Variants in TNFRSF11B observed in about 807,000 individuals in gnomAD.
TNFRSF11B encodes TNF receptor superfamily member 11b.
Under a neutral mutation model 43.4 loss-of-function variants are expected in TNFRSF11B, and 16 were observed. That is an observed-to-expected ratio of 0.37 (90% CI 0.25 to 0.56). TNFRSF11B has a LOEUF of 0.56. Among genes scored for constraint, TNFRSF11B ranks in the 20% least tolerant of loss-of-function variants. TNFRSF11B has a pLI of 0.80. For synonymous variants in TNFRSF11B, 185 were observed against 181.8 expected (o/e 1.02, Z -0.14); for missense variants, 444 against 490.1 (o/e 0.91, Z 0.89).
intron 1 of TNFRSF11B, among the ~76,000 whole-genome samples, chr8:118,934,528 T>C (rs1163248926): frequency 6.6e-6 from 1 of 152,190 alleles, no homozygotes; most frequent in Non-Finnish European, 1.5e-5. Flanking sequence ...AAAGAGGATT[T>C]CATGGGCAAG....
chr8:118,949,844 A>C (rs1019822340), intron 1 of TNFRSF11B, among the ~76,000 whole-genome samples: 1 of 152,222 alleles, frequency 6.6e-6, no homozygotes, highest in South Asian at 2.1e-4. Context: ...TAGTTCCTAC[A>C]GTGGCACCTT....
At chr8:118,927,569 T>TTA (rs1554617277) in intron 3 of TNFRSF11B, among the ~76,000 whole-genome samples, 1 of 150,916 alleles carries the variant, frequency 6.6e-6, no homozygotes, top group African/African-American at 2.4e-5. Context: ...TTTTTTTTTT[T>TTA]AGATAAGAAA....
rs977797503 is a variant in TNFRSF11B, at chr8:118,926,680, C to T, written c.631G>A (p.Val211Ile). ...CAGTTAGGCGTAAACTTTGTAGGAA[C>T]AGCAAACCTGAAGAATGCCTCCTCA... Reference protein sequence around the residue: ...LCEEAFFRFAVPTKFTPNWLS... With the variant: ...LCEEAFFRFAIPTKFTPNWLS... The change falls in exon 4 of 5, where the codon GTT becomes ATT. Residue 211 changes from valine to isoleucine, a missense_variant. Val to Ile is a conservative substitution (Grantham distance 29). Transcript: ENST00000297350. 1.2e-6 allele frequency: 2 copies of T among 1,614,044 alleles called. No individual in the cohort carries two copies. Among genetic ancestry groups the T allele is most frequent in the African/African-American group, 2.7e-5 (2 of 75,032 alleles).
At chr8:118,932,814 A>G (rs1188590369) in intron 2 of TNFRSF11B, 117 bp downstream of exon 2, 1 of 1,385,330 alleles carries the variant, frequency 7.2e-7, no homozygotes, top group African/African-American at 1.4e-5. Context: ...GGCAGGTTTC[A>G]TTACCTTTGC....
chr8:118,930,642 C>A, intron 2 of TNFRSF11B: 1 of 379,302 alleles, frequency 2.6e-6, no homozygotes, highest in South Asian at 1.9e-5. Flanking sequence ...GAACTCCTGA[C>A]CTCAGGTGAT....
At chr8:118,943,823 A>G (rs1250169991) in intron 1 of TNFRSF11B, among the ~76,000 whole-genome samples, 1 of 152,156 alleles carries the variant, frequency 6.6e-6, no homozygotes, top group East Asian at 1.9e-4. Flanking sequence ...AATGAAAAGC[A>G]TGATCCCTGT....
intron 1 of TNFRSF11B, among the ~76,000 whole-genome samples, chr8:118,936,009 T>C (rs931574316): frequency 6.6e-6 from 1 of 152,186 alleles, no homozygotes; most frequent in Non-Finnish European, 1.5e-5. Flanking sequence ...ACTCCACAGA[T>C]GGTGCCTGTG....
At chr8:118,944,711 T>C (rs1462942381) in intron 1 of TNFRSF11B, among the ~76,000 whole-genome samples, 1 of 152,030 alleles carries the variant, frequency 6.6e-6, no homozygotes, top group Non-Finnish European at 1.5e-5. Context: ...ATTATTCAAG[T>C]GTAGTTGTTA....
At chr8:118,925,003 G>T (rs771242009) in intron 4 of TNFRSF11B, among the ~76,000 whole-genome samples, 17 of 152,118 alleles carry the variant, frequency 1.1e-4, no homozygotes, top group Non-Finnish European at 2.5e-4. Flanking sequence ...TTTGGAAGAA[G>T]CTCCTAATTT....
intron 2 of TNFRSF11B, 139 bp from the exon 3 acceptor site, chr8:118,929,068 T>C (rs11573922): frequency 2.2e-5 from 17 of 777,814 alleles, no homozygotes; most frequent in Non-Finnish European, 2.1e-6. Flanking sequence ...AGCATTTTCA[T>C]TTTTCACTTC....
chr8:118,930,516 AT>A, intron 2 of TNFRSF11B: 1 of 199,848 alleles, frequency 5.0e-6, no homozygotes, highest in Non-Finnish European at 1.1e-5. Context: ...GGTTCAAGAG[AT>A]TCTCCTGTCT....
At chr8:118,947,591 T>A (rs1165799328) in intron 1 of TNFRSF11B, among the ~76,000 whole-genome samples, 1 of 152,134 alleles carries the variant, frequency 6.6e-6, no homozygotes. Context: ...ACCACTGATA[T>A]AAGAAATCTA....
intron 1 of TNFRSF11B, among the ~76,000 whole-genome samples, chr8:118,945,654 G>C (rs1480517761): frequency 1.3e-5 from 2 of 152,096 alleles, no homozygotes; most frequent in Non-Finnish European, 2.9e-5. Flanking sequence ...TGATGGTCAG[G>C]AGAATTTTTT....
At chr8:118,950,866 G>T (rs1004348327) in intron 1 of TNFRSF11B, among the ~76,000 whole-genome samples, 1 of 152,128 alleles carries the variant, frequency 6.6e-6, no homozygotes, top group Non-Finnish European at 1.5e-5. Flanking sequence ...GGAGGTTGAA[G>T]TTCAAACATT....
At chr8:118,926,891 G>T (rs1222103612) in intron 3 of TNFRSF11B, among the ~76,000 whole-genome samples, 173 bp from the exon 4 acceptor site, 3 of 152,222 alleles carry the variant, frequency 2.0e-5, no homozygotes, top group African/African-American at 7.2e-5. Context: ...TAGTGGCAGA[G>T]ACCAACTGAG....
chr8:118,944,965 C>T (rs1812536096), intron 1 of TNFRSF11B, among the ~76,000 whole-genome samples: 1 of 152,102 alleles, frequency 6.6e-6, no homozygotes, highest in South Asian at 2.1e-4. Flanking sequence ...TTCATAACTT[C>T]TATGCATATT....
chr8:118,930,404 T>G (rs3134049), intron 2 of TNFRSF11B: 55,395 of 153,570 alleles, frequency 0.36, 11,403 homozygotes, highest in Non-Finnish European at 0.46. Flanking sequence ...GAATCTTTTT[T>G]GGGGGGAAGG....
At chr8:118,945,671 T>G (rs1282076892) in intron 1 of TNFRSF11B, among the ~76,000 whole-genome samples, 1 of 152,078 alleles carries the variant, frequency 6.6e-6, no homozygotes, top group Admixed American at 6.6e-5. Flanking sequence ...TTTTAAGGAA[T>G]AGAGTGCTGA....
At chr8:118,932,860 GT>G (rs1167570011) in intron 2 of TNFRSF11B, 70 bp downstream of exon 2, 1 of 1,597,904 alleles carries the variant, frequency 6.3e-7, no homozygotes, top group African/African-American at 1.3e-5. Context: ...GAACAAAAGT[GT>G]TCTCCTAAAC....
Sources: allele counts gnomAD v4.1 joint callset (sites outside exome capture counted in the v4.1 genomes callset), GRCh38; gene constraint gnomAD v4.1.1; transcripts MANE v1.5; gene names NCBI Gene and HGNC (gene_info 2026-07-23, HGNC 2026-07-21).